The following RPS29 variants were observed in gnomAD, a reference collection of about 807,000 sequenced individuals.
RPS29 encodes the protein ribosomal protein S29, also known as small ribosomal subunit protein uS14.
For missense variants in RPS29, 60 were observed against 75.7 expected (o/e 0.79, Z 0.77); for synonymous variants, 37 against 26.9 (o/e 1.37, Z -1.16).
At chr14:49,587,441 T>C (rs1374080324), upstream of RPS29, among the ~76,000 whole-genome samples, 7 of 152,242 alleles carry the variant, frequency 4.6e-5, no homozygotes, top group Non-Finnish European at 1.0e-4. Context: ...TTATAAAATG[T>C]AGCACAGGGT....
At chr14:49,586,187 G>C in intron 1 of RPS29, 98 bp downstream of exon 1, 2 of 1,417,050 alleles carry the variant, frequency 1.4e-6, no homozygotes, top group Non-Finnish European at 2.0e-6. Context: ...CCCAGTCGGC[G>C]TGCTCCCTCG....
At chr14:49,582,241 C>G (rs1339104766), downstream of RPS29, among the ~76,000 whole-genome samples, 1 of 152,146 alleles carries the variant, frequency 6.6e-6, no homozygotes, top group Non-Finnish European at 1.5e-5. Context: ...CTAACCTGGA[C>G]AGCATAGTAA....
chr14:49,575,819 C>A (rs1881164565), exon 3 of RPS29: 1 of 152,102 alleles, frequency 6.6e-6, no homozygotes. Flanking sequence ...CACTGAATGC[C>A]AGTCTGGGTG....
chr14:49,582,823 G>A (rs970836567), downstream of RPS29, among the ~76,000 whole-genome samples: 1 of 152,152 alleles, frequency 6.6e-6, no homozygotes, highest in African/African-American at 2.4e-5. Flanking sequence ...TCAGCCACCT[G>A]CATTACCAAT....
At chr14:49,583,428 A>G, downstream of RPS29, 1 of 337,638 alleles carries the variant, frequency 3.0e-6, no homozygotes, top group East Asian at 5.7e-5. Context: ...CTGAGGCAGG[A>G]GGCTTGAACC....
rs190321267 is a variant in RPS29, at chr14:49,584,716, C to T, written c.163-1041G>A. ...GAGGGGGAGGCTAGTGAGCTGAGAT[C>T]ACGCCACTGCACTCCAGCCTGGGAA... On this transcript the variant is annotated intron_variant, in intron 2 of 2. Transcript: ENST00000245458. 1.3e-3 allele frequency among the ~76,000 whole-genome samples: 198 copies of T among 151,280 alleles called. 1 individual carries two copies. Among genetic ancestry groups the T allele is most frequent in the African/African-American group, 4.7e-3 (193 of 41,188 alleles).
rs866013091 is a variant in RPS29, at chr14:49,598,224, G to C, written c.-133+176C>G. The C allele has an allele frequency of 2.4e-5, 14 of 575,932 alleles. No homozygotes were observed. The African/African-American group carries it at 2.6e-4, about 11-fold the overall frequency. 35.7% of individuals were successfully genotyped at this position (575,932 alleles called of 1,614,324 possible). ...ACAAATTTTAAGGAGGCAAGACCACGACCCCGACCGTGAGCGCCTGCTTAA... is the reference window on the plus strand; with the variant it reads ...ACAAATTTTAAGGAGGCAAGACCACCACCCCGACCGTGAGCGCCTGCTTAA... On this transcript the variant is annotated intron_variant, in intron 1 of 3. Coordinates refer to the RPS29 transcript ENST00000556230.
At chr14:49,581,889 T>C (rs1239958064), downstream of RPS29, among the ~76,000 whole-genome samples, 2 of 151,468 alleles carry the variant, frequency 1.3e-5, no homozygotes, top group African/African-American at 4.9e-5. Context: ...CCTGGCATGG[T>C]GGTGTACACC....
chr14:49,574,926 A>T (rs1340680312), exon 3 of RPS29: 1 of 152,056 alleles, frequency 6.6e-6, no homozygotes, highest in Admixed American at 6.6e-5. Context: ...TGTCCTTTGG[A>T]CTCTTAGAAC....
intron 1 of RPS29, among the ~76,000 whole-genome samples, chr14:49,593,554 G>A (rs2139521966): frequency 6.6e-6 from 1 of 151,950 alleles, no homozygotes; most frequent in East Asian, 1.9e-4. Flanking sequence ...AAATGCAAAA[G>A]TTAGCCAGGT....
intron 1 of RPS29, among the ~76,000 whole-genome samples, chr14:49,594,698 A>G (rs1310421931): frequency 1.3e-5 from 2 of 152,278 alleles, no homozygotes; most frequent in Non-Finnish European, 2.9e-5. Flanking sequence ...TAAAAACTCC[A>G]CAAGAGATCA....
At chr14:49,585,926 T>A (rs1881530882) in intron 2 of RPS29, 24 bp downstream of exon 2, 1 of 1,577,944 alleles carries the variant, frequency 6.3e-7, no homozygotes, top group African/African-American at 1.3e-5. Context: ...CCAAACAACA[T>A]GGAGTACGCC....
chr14:49,582,695 T>C (rs774399997), downstream of RPS29, among the ~76,000 whole-genome samples: 1 of 152,240 alleles, frequency 6.6e-6, no homozygotes, highest in Non-Finnish European at 1.5e-5. Context: ...CTTGTTCAAA[T>C]GTACACCAAT....
chr14:49,588,377 G>C (rs1881637959), upstream of RPS29, among the ~76,000 whole-genome samples: 1 of 152,184 alleles, frequency 6.6e-6, no homozygotes, highest in South Asian at 2.1e-4. Context: ...GTGCAGCTAA[G>C]ACGTCGTACT....
At chr14:49,597,323 G>T (rs904075663) in intron 1 of RPS29, among the ~76,000 whole-genome samples, 1 of 152,200 alleles carries the variant, frequency 6.6e-6, no homozygotes, top group Non-Finnish European at 1.5e-5. Flanking sequence ...CTCCCAAATT[G>T]TTGGGCTTAC....
upstream of RPS29, among the ~76,000 whole-genome samples, chr14:49,589,148 C>T (rs1199286340): frequency 6.6e-6 from 1 of 152,096 alleles, no homozygotes; most frequent in Non-Finnish European, 1.5e-5. Flanking sequence ...CCGCCTCGAC[C>T]TCCCAAAGTG....
chr14:49,585,127 TGGGAGGCCGAAGCA>T (rs1393651996), intron 2 of RPS29, among the ~76,000 whole-genome samples: 1 of 152,094 alleles, frequency 6.6e-6, no homozygotes, highest in Non-Finnish European at 1.5e-5. Context: ...CTCAGCACTT[TGGGAGGCCGAAGCA>T]GGCGGATCAC....
intron 1 of RPS29, among the ~76,000 whole-genome samples, chr14:49,596,452 G>A (rs72678066): frequency 0.069 from 10,445 of 152,062 alleles, 608 homozygotes; most frequent in Admixed American, 0.19. Flanking sequence ...CTCCACAATC[G>A]ATCCACTAAG....
intron 1 of RPS29, among the ~76,000 whole-genome samples, chr14:49,593,755 G>T (rs1024933270): frequency 6.8e-6 from 1 of 146,772 alleles, no homozygotes; most frequent in African/African-American, 2.5e-5. Flanking sequence ...CAAGAAAGGG[G>T]TATACTGGGG....
Sources: gnomAD v4.1 joint callset for allele counts (sites outside exome capture counted in the v4.1 genomes callset) on GRCh38, gnomAD v4.1.1 for gene constraint, MANE v1.5 for transcripts, NCBI Gene and HGNC (gene_info 2026-07-23, HGNC 2026-07-21) for gene names.